Variants in DMD observed in about 807,000 individuals in gnomAD.
DMD encodes dystrophin, also known as mutant dystrophin.
A neutral mutation model predicts 330.1 loss-of-function variants in DMD; 63 were observed. The ratio of observed to expected loss-of-function variants is 0.19; its 90% CI spans 0.16 to 0.24. The LOEUF (loss-of-function observed/expected upper bound fraction) is 0.24, where lower values mean the gene tolerates loss of function less well. DMD is among the 10% of genes least tolerant of loss of function. The pLI is 1.00. For synonymous variants in DMD, 1,223 were observed against 959.8 expected (o/e 1.27, Z -5.07); for missense variants, 3,344 against 2,684.1 (o/e 1.25, Z -5.43).
chrX:31,248,759 C>T (rs990147391), intron 63 of DMD, among the ~76,000 whole-genome samples: 15 of 111,829 alleles, frequency 1.3e-4, no homozygotes, highest in African/African-American at 4.2e-4. Context: ...AGAGGGCAGG[C>T]GGAAAGGAGA....
intron 50 of DMD, among the ~76,000 whole-genome samples, chrX:31,793,079 G>T (rs2091654376): frequency 9.0e-6 from 1 of 111,121 alleles, no homozygotes; most frequent in South Asian, 3.9e-4. Flanking sequence ...CTGAAGTCCA[G>T]CCGGATTCTT....
chrX:31,968,237 G>T, intron 45 of DMD, 102 bp downstream of exon 45: 1 of 972,688 alleles, frequency 1.0e-6, no homozygotes, highest in Non-Finnish European at 1.5e-6. Context: ...TTTAATGTTA[G>T]TGCCTTTCAC....
intron 41 of DMD, among the ~76,000 whole-genome samples, chrX:32,335,228 G>T (rs945251660): frequency 9.7e-4 from 105 of 108,377 alleles, no homozygotes; most frequent in African/African-American, 3.4e-3. Flanking sequence ...TTGAGGCGGG[G>T]TCTCAATCTG....
At chrX:32,736,072 A>G (rs1233316655) in intron 7 of DMD, among the ~76,000 whole-genome samples, 1 of 112,112 alleles carries the variant, frequency 8.9e-6, no homozygotes, top group East Asian at 2.8e-4. Context: ...ATTTACAAGA[A>G]AAAACAAACA....
intron 52 of DMD, 121 bp downstream of exon 52, chrX:31,729,510 T>C: frequency 5.0e-6 from 3 of 598,881 alleles, no homozygotes; most frequent in Non-Finnish European, 5.9e-6. Context: ...GCACAATTGT[T>C]ATCATTTACA....
rs143078463 is a variant in DMD, at chrX:31,343,543, A to T, written c.9163+5013T>A. On this transcript the variant is annotated intron_variant, in intron 61 of 78. Coordinates refer to ENST00000357033, the MANE Select transcript of DMD (RefSeq NM_004006.3). ...GCCTCTGTCTTCTGATAAACAACAG[A>T]CAGCTGGTAATGTAATTTCCAAATA... Among the ~76,000 whole-genome samples, 54 of 110,519 alleles carry T rather than the reference A, an allele frequency of 4.9e-4. No individual in the cohort carries two copies. The East Asian group carries it at 0.013, about 26-fold the overall frequency.
intron 61 of DMD, among the ~76,000 whole-genome samples, chrX:31,347,016 A>AAAAG: frequency 1.3e-5 from 1 of 79,097 alleles, no homozygotes; most frequent in Non-Finnish European, 2.5e-5. Flanking sequence ...AAAAAAAAAA[A>AAAAG]AAAAAAAAAA....
Position 32,013,632 on chromosome X carries a change from C to T in DMD, c.6439-45118G>A, listed in dbSNP as rs191447785. ...GAATGATTGCTGAGTTTTCTGAAAA[C>T]ATCATTCTTGCCATTGTTGTTTTGA... On this transcript the variant is annotated intron_variant, in intron 44 of 78. Coordinates refer to ENST00000357033, the MANE Select transcript of DMD (RefSeq NM_004006.3). Among the ~76,000 whole-genome samples, 671 of 111,917 alleles carry T rather than the reference C, an allele frequency of 6.0e-3. 2 individuals are homozygous for T. The highest frequency in any genetic ancestry group is 0.011 in the Non-Finnish European group (560 of 53,194).
chrX:32,358,852 A>G (rs892592127), intron 37 of DMD, among the ~76,000 whole-genome samples: 1 of 111,785 alleles, frequency 8.9e-6, no homozygotes, highest in African/African-American at 3.2e-5. Context: ...ACCCATTGAT[A>G]TTAATTATTT....
chrX:31,704,524 T>G (rs758878752), intron 52 of DMD, among the ~76,000 whole-genome samples: 2 of 112,132 alleles, frequency 1.8e-5, no homozygotes, highest in South Asian at 7.4e-4. Context: ...CTTTGTAAAC[T>G]GCAAAACTGT....
chrX:32,026,996 A>G (rs2095849611), intron 44 of DMD, among the ~76,000 whole-genome samples: 1 of 111,273 alleles, frequency 9.0e-6, no homozygotes, highest in Non-Finnish European at 1.9e-5. Flanking sequence ...CTCTAACTAG[A>G]TGCCAGTGGG....
chrX:33,129,006 A>G (rs767050038), intron 1 of DMD: 63 of 112,538 alleles, frequency 5.6e-4, no homozygotes, highest in African/African-American at 1.8e-3. Context: ...AAAGAATTAA[A>G]AGGAATAATC....
intron 7 of DMD, among the ~76,000 whole-genome samples, chrX:32,739,025 A>G (rs965064964): frequency 8.9e-6 from 1 of 112,034 alleles, no homozygotes; most frequent in Non-Finnish European, 1.9e-5. Context: ...TTTTGCAATT[A>G]TAATGGTTAT....
chrX:32,467,433 G>C (rs985993638), intron 23 of DMD, among the ~76,000 whole-genome samples: 1 of 110,403 alleles, frequency 9.1e-6, no homozygotes, highest in African/African-American at 3.3e-5. Flanking sequence ...AACAAATTAA[G>C]TCAAGGGAAT....
intron 74 of DMD, among the ~76,000 whole-genome samples, chrX:31,150,248 T>C (rs2037245095): frequency 1.8e-5 from 2 of 112,197 alleles, no homozygotes; most frequent in Non-Finnish European, 3.8e-5. Flanking sequence ...CTCGTTGTTC[T>C]TGCACTGTTT....
intron 55 of DMD, among the ~76,000 whole-genome samples, chrX:31,578,312 CT>C (rs2076198122): frequency 8.9e-6 from 1 of 111,790 alleles, no homozygotes; most frequent in Admixed American, 9.5e-5. Flanking sequence ...AGTTAAGAGA[CT>C]TGCCCTAAAT....
rs56303965 is a variant in DMD at position 31,786,826 on chromosome X, T to C, written c.7310-12634A>G. Among the ~76,000 whole-genome samples the C allele has an allele frequency of 7.3e-3, 814 of 111,974 alleles. 2 individuals are homozygous for C. The highest frequency in any genetic ancestry group is 0.012 in the Non-Finnish European group (618 of 53,184). On this transcript the variant is annotated intron_variant, in intron 50 of 78. Coordinates refer to ENST00000357033, the MANE Select transcript of DMD (RefSeq NM_004006.3). ...TCCCAGCTCCAGTGTCCCTGTCACA[T>C]GGGCTGAAGCCTCAGTAGCAACTGC...
chrX:33,131,051 C>T (rs914062832), intron 1 of DMD, among the ~76,000 whole-genome samples: 2 of 111,342 alleles, frequency 1.8e-5, no homozygotes, highest in African/African-American at 6.5e-5. Context: ...CCAGCTCTAC[C>T]TGACTCCCTA....
At chrX:31,291,174 A>G (rs776913702) in intron 62 of DMD, among the ~76,000 whole-genome samples, 1 of 111,957 alleles carries the variant, frequency 8.9e-6, no homozygotes, top group Non-Finnish European at 1.9e-5. Context: ...AGTTGAAAGT[A>G]CAAGTTGCAA....
Sources: allele counts gnomAD v4.1 joint callset (sites outside exome capture counted in the v4.1 genomes callset), GRCh38; gene constraint gnomAD v4.1.1; transcripts MANE v1.5; gene names NCBI Gene and HGNC (gene_info 2026-07-23, HGNC 2026-07-21).